CCNC: variants seen among roughly 807,000 people sequenced by gnomAD.
CCNC encodes cyclin C, also known as cyclin-C.
Under a neutral mutation model 50.0 loss-of-function variants are expected in CCNC, and 19 were observed. The observed-to-expected ratio is 0.38, with a 90% confidence interval of 0.27 to 0.56. The LOEUF (loss-of-function observed/expected upper bound fraction) is 0.56. Among genes scored for constraint, CCNC ranks in the 20% least tolerant of loss-of-function variants. CCNC has a pLI of 0.72. For missense variants in CCNC, 200 were observed against 327.1 expected (o/e 0.61, Z 3.00); for synonymous variants, 93 against 103.7 (o/e 0.90, Z 0.63).
intron 7 of CCNC, chr6:99,550,516 A>G (rs1478374520): frequency 8.7e-6 from 4 of 459,510 alleles, no homozygotes; most frequent in Non-Finnish European, 1.5e-5. Flanking sequence ...TCTGGAATAT[A>G]CCTTGATAAA....
intron 7 of CCNC, 75 bp downstream of exon 7, chr6:99,550,918 C>T (rs1333928887): frequency 1.3e-6 from 1 of 775,810 alleles, no homozygotes; most frequent in Non-Finnish European, 1.9e-6. Flanking sequence ...TCTCTAAAAT[C>T]ATTTCTTTAA....
intron 9 of CCNC, chr6:99,549,288 CAAAAA>C (rs34144372): frequency 4.7e-5 from 23 of 490,502 alleles, no homozygotes; most frequent in Admixed American, 1.1e-4. Flanking sequence ...TGAATGGTTT[CAAAAA>C]AAAAAAAAAA....
chr6:99,545,230 T>C lies in CCNC; in HGVS notation c.679A>G (p.Ile227Val). ...FAELSVDMEKILEIIRVILKL... is the reference protein window; with the variant it reads ...FAELSVDMEKVLEIIRVILKL... ...AAAATAACCCTGATTATTTCCAAAA[T>C]CTAGAAGAAAATATTTGAAAAGTTC... is the stretch of plus-strand genomic sequence containing the variant. Residue 227 changes from isoleucine to valine, a missense_variant and splice_region_variant, in exon 11 of 12, where the codon ATT becomes GTT. Coordinates refer to ENST00000520429, the MANE Select transcript of CCNC (RefSeq NM_005190.4). 1.3e-6 allele frequency: 2 copies of C among 1,504,460 alleles called. No homozygotes were observed. Among genetic ancestry groups the C allele is most frequent in the Non-Finnish European group, 1.8e-6 (2 of 1,083,378 alleles). The allele number at this position is 1,504,460 out of a possible 1,614,324, so 93.2% of individuals were successfully genotyped here.
chr6:99,545,375 A>G (rs1363830497), intron 10 of CCNC, 145 bp from the exon 11 acceptor site: 1 of 575,660 alleles, frequency 1.7e-6, no homozygotes, highest in Non-Finnish European at 3.1e-6. Context: ...AGTATTTTTC[A>G]CCACAGTGCT....
chr6:99,551,830 A>T lies in CCNC; in HGVS notation c.402+10T>A. Reference sequence around the variant, plus strand: ...TTTGATAATTGTTCCATTTTATATCATATACTTACATGATTCATCCTATAA... The same window carrying T: ...TTTGATAATTGTTCCATTTTATATCTTATACTTACATGATTCATCCTATAA... On this transcript the variant is annotated intron_variant, in intron 6 of 11. Coordinates refer to ENST00000520429, the MANE Select transcript of CCNC (RefSeq NM_005190.4). The T allele has an allele frequency of 7.2e-7, 1 of 1,390,522 alleles. No individual in the cohort carries two copies. The highest frequency in any genetic ancestry group is 9.7e-7 in the Non-Finnish European group (1 of 1,032,610). 86.1% of individuals were successfully genotyped at this position (1,390,522 alleles called of 1,614,324 possible).
At chr6:99,563,071 C>T in intron 1 of CCNC, 123 bp from the exon 2 acceptor site, 1 of 625,276 alleles carries the variant, frequency 1.6e-6, no homozygotes, top group South Asian at 1.9e-5. Flanking sequence ...ACAATTATTT[C>T]TCACATTTCT....
In CCNC at chr6:99,543,174, C is replaced by A. The variant is rs1801943400; in HGVS notation, c.*381G>T. The A allele has an allele frequency of 6.4e-6, 1 of 155,070 alleles. No individual in the cohort carries two copies. Among genetic ancestry groups the A allele is most frequent in the Admixed American group, 6.5e-5 (1 of 15,338 alleles). 9.6% of individuals were successfully genotyped at this position (155,070 alleles called of 1,614,324 possible). ...ATAGATTGACTGTAAATTTTACGTCCTTTTTTGGTCCCTCAATGACCAAAG... is the reference window on the plus strand; with the variant it reads ...ATAGATTGACTGTAAATTTTACGTCATTTTTTGGTCCCTCAATGACCAAAG... On this transcript the variant is annotated 3_prime_UTR_variant, in exon 12 of 12. Transcript: ENST00000520429.
intron 9 of CCNC, among the ~76,000 whole-genome samples, chr6:99,547,333 A>G (rs1802108287): frequency 6.6e-6 from 1 of 152,162 alleles, no homozygotes; most frequent in Non-Finnish European, 1.5e-5. Context: ...TGACATGATA[A>G]AAACAGGAAA....
At chr6:99,557,049 ATCTAAC>A (rs141277214) in intron 5 of CCNC, among the ~76,000 whole-genome samples, 21,544 of 152,076 alleles carry the variant, frequency 0.14, 1,781 homozygotes, top group Middle Eastern at 0.24. Context: ...CATTCAGTTA[ATCTAAC>A]TCATGAGCTT....
chr6:99,544,087 A>C, intron 11 of CCNC: 1 of 1,386,816 alleles, frequency 7.2e-7, no homozygotes, highest in Non-Finnish European at 9.4e-7. Flanking sequence ...AAACCTTTAT[A>C]AGTCAGCAAG....
At chr6:99,549,434 G>T in intron 9 of CCNC, 74 bp downstream of exon 9, 2 of 966,058 alleles carry the variant, frequency 2.1e-6, no homozygotes, top group Non-Finnish European at 3.3e-6. Context: ...GTACAATAGG[G>T]TGAAATTTAG....
intron 5 of CCNC, among the ~76,000 whole-genome samples, chr6:99,556,079 T>TAA (rs1802499245): frequency 6.6e-6 from 1 of 152,216 alleles, no homozygotes; most frequent in Non-Finnish European, 1.5e-5. Context: ...AACTTAAAAA[T>TAA]TATTTTTTCC....
Position 99,552,922 on chromosome 6 carries a change from G to C in CCNC, c.347-1027C>G, listed in dbSNP as rs144095368. On this transcript the variant is annotated intron_variant, in intron 5 of 11. Coordinates refer to ENST00000520429, the MANE Select transcript of CCNC (RefSeq NM_005190.4). ...GCGAGTGTAGTGGCATGCACCTGTA[G>C]TCCCGGCTACTCGGGAGGCCGAGGC... is the stretch of plus-strand genomic sequence containing the variant. Among the ~76,000 whole-genome samples the C allele has an allele frequency of 1.4e-3, 213 of 152,098 alleles. 1 individual carries two copies. The highest frequency in any genetic ancestry group is 3.2e-3 in the Admixed American group (49 of 15,260).
At chr6:99,544,079 A>G in intron 11 of CCNC, 1 of 1,348,550 alleles carries the variant, frequency 7.4e-7, no homozygotes, top group Non-Finnish European at 9.6e-7. Context: ...AATACAGCAA[A>G]CCTTTATAAG....
At chr6:99,554,914 T>C (rs564950171) in intron 5 of CCNC, among the ~76,000 whole-genome samples, 1 of 152,346 alleles carries the variant, frequency 6.6e-6, no homozygotes, top group Non-Finnish European at 1.5e-5. Flanking sequence ...CCCATGTATA[T>C]ACACTTATCT....
intron 5 of CCNC, among the ~76,000 whole-genome samples, chr6:99,552,726 G>A (rs971858030): frequency 3.9e-5 from 6 of 152,134 alleles, no homozygotes; most frequent in African/African-American, 1.2e-4. Flanking sequence ...CAAAGCCCAA[G>A]TGATTTCACT....
rs193198978 is a variant in CCNC, at chr6:99,542,417, A to C, written c.*1138T>G. The C allele has an allele frequency of 6.6e-6, 1 of 152,476 alleles. No individual in the cohort carries two copies. Among genetic ancestry groups the C allele is most frequent in the Admixed American group, 6.5e-5 (1 of 15,306 alleles). 9.4% of individuals were successfully genotyped at this position (152,476 alleles called of 1,614,324 possible). ...CTGGAGAAGTTACTTTTATTCTTGC[A>C]GTTTTATACTAGGAAGTCAACATTT... On this transcript the variant is annotated 3_prime_UTR_variant, in exon 12 of 12. Coordinates refer to ENST00000520429, the MANE Select transcript of CCNC (RefSeq NM_005190.4).
Position 99,543,573 on chromosome 6 carries a change from A to G in CCNC, c.834T>C (p.Ser278=). ...GAATGTTTTAAGATTGGCTGTAGCTAGAGTTCTGACTTCCATTTGGACCCT... is the reference window on the plus strand; with the variant it reads ...GAATGTTTTAAGATTGGCTGTAGCTGGAGTTCTGACTTCCATTTGGACCCT... ...GEQGPNGSQN[S]SYSQS Residue 278 remains serine (S), a synonymous_variant, in exon 12 of 12, where the codon TCT becomes TCC. Transcript: ENST00000520429. 6.2e-7 allele frequency: 1 copy of G among 1,613,444 alleles called. No homozygotes were observed. Among genetic ancestry groups the G allele is most frequent in the South Asian group, 1.1e-5 (1 of 91,060 alleles).
intron 8 of CCNC, 83 bp downstream of exon 8, chr6:99,550,135 T>C: frequency 1.0e-6 from 1 of 979,202 alleles, no homozygotes; most frequent in Non-Finnish European, 1.6e-6. Context: ...TTAATGACTT[T>C]AAAAATACTT....
Sources: allele counts gnomAD v4.1 joint callset (sites outside exome capture counted in the v4.1 genomes callset), GRCh38; gene constraint gnomAD v4.1.1; transcripts MANE v1.5; gene names NCBI Gene and HGNC (gene_info 2026-07-23, HGNC 2026-07-21).